NFE2L3: variants seen among roughly 807,000 people sequenced by gnomAD.
The protein encoded by NFE2L3 is nuclear factor erythroid 2-related factor 3.
NFE2L3 carries 18 observed loss-of-function variants against 23.5 expected under a neutral mutation model. The observed-to-expected ratio is 0.77, with a 90% confidence interval of 0.53 to 1.13. NFE2L3 has a LOEUF of 1.13. NFE2L3 is among the 50% of genes most tolerant of loss of function. The probability of loss-of-function intolerance (pLI) is 0.00; values close to 1 mark genes in which losing one functional copy is unlikely to be tolerated. For missense variants in NFE2L3, 1,152 were observed against 877.2 expected (o/e 1.31, Z -3.96); for synonymous variants, 424 against 354.5 (o/e 1.20, Z -2.20).
intron 1 of NFE2L3, among the ~76,000 whole-genome samples, chr7:26,167,349 T>A (rs1204561408): frequency 6.6e-6 from 1 of 152,176 alleles, no homozygotes; most frequent in East Asian, 1.9e-4. Flanking sequence ...GGGCCCAAAC[T>A]GAGAACATTC....
At chr7:26,160,252 C>T (rs1444861917) in intron 1 of NFE2L3, among the ~76,000 whole-genome samples, 2 of 152,128 alleles carry the variant, frequency 1.3e-5, no homozygotes, top group African/African-American at 2.4e-5. Flanking sequence ...CCACCGCACC[C>T]GGCTGGATCT....
Position 26,152,815 on chromosome 7 carries a change from CCAGCGTGGATGCATGGCTGGTGCA to C in NFE2L3, c.326_349del (p.Asp109_Val116del). 2 of 1,487,746 alleles carry C rather than the reference CCAGCGTGGATGCATGGCTGGTGCA, an allele frequency of 1.3e-6. No individual in the cohort carries two copies. The highest frequency in any genetic ancestry group is 1.5e-5 in the African/African-American group (1 of 68,586). 92.2% of individuals were successfully genotyped at this position (1,487,746 alleles called of 1,614,324 possible). A position where few individuals can be genotyped will look rare whatever the true frequency, so the allele number is the denominator to read the frequency against. The stretch of plus-strand genomic sequence containing the variant: ...CTCGGGGTCCCCTTCGTCCCTCGCA[CCAGCGTGGATGCATGGCTGGTGCA>C]CAGCGTGGCTGCCGGGAGCGCGGAC... On this transcript the variant is annotated inframe_deletion, in exon 1 of 4. Coordinates refer to ENST00000056233, the MANE Select transcript of NFE2L3 (RefSeq NM_004289.7). The surrounding 1 kb of genome is among the most constrained non-coding windows in gnomAD (Gnocchi z 4.4).
chr7:26,181,551 G>A (rs1014759070), intron 2 of NFE2L3, among the ~76,000 whole-genome samples: 5 of 152,032 alleles, frequency 3.3e-5, no homozygotes, highest in Non-Finnish European at 5.9e-5. Flanking sequence ...AAGAATCCTC[G>A]GCCAAGAGAA....
In NFE2L3 at chr7:26,152,873, C is replaced by T. The variant is rs1230732270; in HGVS notation, c.375C>T (p.His125=). ...SVAAGSADEA[H]GLLGAAAASS... is the part of the protein sequence containing the mutation. Reference sequence around the variant, plus strand: ...CTGCCGGGAGCGCGGACGAGGCCCACGGGCTGCTCGGCGCCGCCGCCGCCT... The same window carrying T: ...CTGCCGGGAGCGCGGACGAGGCCCATGGGCTGCTCGGCGCCGCCGCCGCCT... The change falls in exon 1 of 4, where the codon CAC becomes CAT. Residue 125 remains histidine (H), a synonymous_variant. Coordinates refer to ENST00000056233, the MANE Select transcript of NFE2L3 (RefSeq NM_004289.7). The surrounding 1 kb of genome is among the most constrained non-coding windows in gnomAD (Gnocchi z 4.4). 3 of 1,463,748 alleles carry T rather than the reference C, an allele frequency of 2.0e-6. No homozygotes were observed. Among genetic ancestry groups the T allele is most frequent in the South Asian group, 1.3e-5 (1 of 75,970 alleles). The allele number at this position is 1,463,748 out of a possible 1,614,324, so 90.7% of individuals were successfully genotyped here.
rs1262961784 is a variant in NFE2L3 at position 26,186,082 on chromosome 7, ATCCT to A, written c.*301_*304del. On this transcript the variant is annotated 3_prime_UTR_variant, in exon 4 of 4. Coordinates refer to ENST00000056233, the MANE Select transcript of NFE2L3 (RefSeq NM_004289.7). ...AGTAAGACTTTCCATCTTGGCAGCC[ATCCT>A]TTTTAAGAGTAAGTTGGTTACTTCA... 1 of 233,120 alleles carries A rather than the reference ATCCT, an allele frequency of 4.3e-6. No individual in the cohort carries two copies. Among genetic ancestry groups the A allele is most frequent in the African/African-American group, 2.3e-5 (1 of 44,334 alleles). 14.4% of individuals were successfully genotyped at this position (233,120 alleles called of 1,614,324 possible).
chr7:26,185,003 T>C lies in NFE2L3; in HGVS notation c.1305T>C (p.Ser435=), dbSNP rs1371730148. The C allele has an allele frequency of 2.5e-6, 4 of 1,613,908 alleles. No homozygotes were observed. Among genetic ancestry groups the C allele is most frequent in the Admixed American group, 3.3e-5 (2 of 60,022 alleles). ...ACAATAATACCTCTGTCATCAAGTCTAATTCCTCTCACTCTGTGTGTGATG... is the reference window on the plus strand; with the variant it reads ...ACAATAATACCTCTGTCATCAAGTCCAATTCCTCTCACTCTGTGTGTGATG... ...SSHNNTSVIK[S]NSSHSVCDEG... Residue 435 remains serine, a synonymous_variant, in exon 4 of 4, where the codon TCT becomes TCC. Transcript: ENST00000056233.
chr7:26,180,788 G>T (rs1583938377), intron 2 of NFE2L3, among the ~76,000 whole-genome samples: 1 of 151,990 alleles, frequency 6.6e-6, no homozygotes, highest in Non-Finnish European at 1.5e-5. Flanking sequence ...TCCTTGGAGA[G>T]AATTTAAAAT....
Position 26,177,124 on chromosome 7 carries a change from C to T in NFE2L3, c.571-819C>T, listed in dbSNP as rs769446637. Among the ~76,000 whole-genome samples, 30 of 142,972 alleles carry T rather than the reference C, an allele frequency of 2.1e-4. 1 individual carries two copies. The highest frequency in any genetic ancestry group is 3.8e-3 in the Middle Eastern group (1 of 260). 93.8% of individuals were successfully genotyped at this position (142,972 alleles called of 152,430 possible). ...CTCCTCACATCCCAGACGGGGTGGC[C>T]GGGCAGAGGCGCTCCTTACATCCCA... On this transcript the variant is annotated intron_variant, in intron 1 of 3. Transcript: ENST00000056233.
Position 26,185,278 on chromosome 7 carries a change from A to G in NFE2L3, c.1580A>G (p.Tyr527Cys). The G allele has an allele frequency of 1.9e-6, 3 of 1,614,192 alleles. No individual in the cohort carries two copies. Among genetic ancestry groups the G allele is most frequent in the East Asian group, 2.2e-5 (1 of 44,886 alleles). Residue 527 changes from tyrosine (Y) to cysteine (C), a missense_variant, in exon 4 of 4, where the codon TAC (tyrosine) becomes TGC (cysteine). Transcript: ENST00000056233. ...AAGTCACAGAAGATAAGGAGTAGAT[A>G]CCTTGAAGACACAGATAGAAACTTG... ...PGKSQKIRSR[Y>C]LEDTDRNLSR...
At chr7:26,153,108 C>G in intron 1 of NFE2L3, 40 bp downstream of exon 1, 1 of 1,491,432 alleles carries the variant, frequency 6.7e-7, no homozygotes, top group African/African-American at 1.4e-5. Context: ...GCGGCGTCTA[C>G]GCCGCCGGGA....
rs775846870 is a variant in NFE2L3, at chr7:26,178,124, TAAGCCTGTCAGAATATTC to T, written c.750+9_750+26del. 13 of 1,609,454 alleles carry T rather than the reference TAAGCCTGTCAGAATATTC, an allele frequency of 8.1e-6. No individual in the cohort carries two copies. The highest frequency in any genetic ancestry group is 5.6e-5 in the South Asian group (5 of 90,018). Reference sequence around the variant, plus strand: ...AAGACCACTGAATCTAGAAATGAGGTAAGCCTGTCAGAATATTCAAGCCTTGCCGTTTTGGTTTTAATG... The same window carrying T: ...AAGACCACTGAATCTAGAAATGAGGTAAGCCTTGCCGTTTTGGTTTTAATG... On this transcript the variant is annotated splice_donor_5th_base_variant and intron_variant, in intron 2 of 3. Coordinates refer to ENST00000056233, the MANE Select transcript of NFE2L3 (RefSeq NM_004289.7).
At chr7:26,168,616 CATTG>C (rs777081659) in intron 1 of NFE2L3, among the ~76,000 whole-genome samples, 12 of 150,646 alleles carry the variant, frequency 8.0e-5, no homozygotes, top group African/African-American at 2.4e-4. Flanking sequence ...TTTATCCACT[CATTG>C]ATTGATGGGC....
intron 1 of NFE2L3, among the ~76,000 whole-genome samples, chr7:26,167,843 AAGCAGT>A (rs1180406211): frequency 6.6e-6 from 1 of 152,240 alleles, no homozygotes; most frequent in Non-Finnish European, 1.5e-5. Flanking sequence ...CAGAATCAAA[AAGCAGT>A]AGCAAGGAGT....
rs755900586 is a variant in NFE2L3, at chr7:26,185,122, T to A, written c.1424T>A (p.Leu475His). ...VGGYYPEPSKLCHLDQSDSDF... is the reference protein window; with the variant it reads ...VGGYYPEPSKHCHLDQSDSDF... ...GGCTACTACCCAGAACCCAGTAAGC[T>A]TTGTCACTTGGATCAAAGTGATTCT... Residue 475 changes from leucine to histidine, a missense_variant, in exon 4 of 4, where the codon CTT becomes CAT. Coordinates refer to ENST00000056233, the MANE Select transcript of NFE2L3 (RefSeq NM_004289.7). 6.2e-7 allele frequency: 1 copy of A among 1,613,902 alleles called. No individual in the cohort carries two copies. Among genetic ancestry groups the A allele is most frequent in the East Asian group, 2.2e-5 (1 of 44,886 alleles).
intron 1 of NFE2L3, among the ~76,000 whole-genome samples, chr7:26,176,903 G>A (rs1228199677): frequency 1.2e-4 from 14 of 121,564 alleles, no homozygotes; most frequent in Admixed American, 1.6e-4. Context: ...GGGCAGAGGC[G>A]CTCCTCACAT....
chr7:26,153,372 C>A lies in NFE2L3; in HGVS notation c.570+304C>A, dbSNP rs559216956. 3.9e-5 allele frequency among the ~76,000 whole-genome samples: 6 copies of A among 152,286 alleles called. No homozygotes were observed. The South Asian group carries it at 1.0e-3, about 26-fold the overall frequency. On this transcript the variant is annotated intron_variant, in intron 1 of 3. Coordinates refer to ENST00000056233, the MANE Select transcript of NFE2L3 (RefSeq NM_004289.7). ...GGGGATGGGGAGGGGAGAAGCAATG[C>A]CCACTGTCTTCGCTCAGTACCTCAT...
chr7:26,185,050 C>T lies in NFE2L3; in HGVS notation c.1352C>T (p.Thr451Ile). 1 of 1,613,902 alleles carries T rather than the reference C, an allele frequency of 6.2e-7. No individual in the cohort carries two copies. Residue 451 changes from threonine (T) to isoleucine (I), a missense_variant, in exon 4 of 4, where the codon ACT becomes ATT. Coordinates refer to ENST00000056233, the MANE Select transcript of NFE2L3 (RefSeq NM_004289.7). ...VCDEGAIGYC[T>I]DHESSSHHDL... ...GATGAAGGTGCTATAGGTTATTGCA[C>T]TGACCATGAATCTAGTTCCCATCAT...
intron 2 of NFE2L3, among the ~76,000 whole-genome samples, chr7:26,182,075 A>G (rs1052078109): frequency 1.3e-5 from 2 of 152,158 alleles, no homozygotes; most frequent in Admixed American, 1.3e-4. Context: ...ATTTCCAGAA[A>G]AGTCCTCAGA....
chr7:26,153,689 C>A (rs2158359), intron 1 of NFE2L3, among the ~76,000 whole-genome samples: 88,308 of 152,020 alleles, frequency 0.58, 26,642 homozygotes, highest in African/African-American at 0.74. Flanking sequence ...ATTAGCATAA[C>A]GAAAACAGGT....
Sources: gnomAD v4.1 joint callset for allele counts (sites outside exome capture counted in the v4.1 genomes callset) on GRCh38, gnomAD v4.1.1 for gene constraint, Gnocchi (gnomAD v3.1) non-coding constraint, MANE v1.5 for transcripts, NCBI Gene and HGNC (gene_info 2026-07-23, HGNC 2026-07-21) for gene names.